The following NAALADL2 variants were observed in gnomAD, a reference collection of about 807,000 sequenced individuals.
The protein encoded by NAALADL2 is inactive N-acetylated-alpha-linked acidic dipeptidase-like protein 2.
Under a neutral mutation model 87.2 loss-of-function variants are expected in NAALADL2, and 76 were observed. The observed-to-expected ratio is 0.87, with a 90% CI of 0.72 to 1.05. The LOEUF (loss-of-function observed/expected upper bound fraction) is 1.05, where lower values mean the gene tolerates loss of function less well. NAALADL2 is among the 50% of genes least tolerant of loss of function. The pLI is 0.00. For missense variants in NAALADL2, 1,089 were observed against 945.8 expected (o/e 1.15, Z -1.99); for synonymous variants, 354 against 331.0 (o/e 1.07, Z -0.75).
intron 2 of NAALADL2, among the ~76,000 whole-genome samples, chr3:175,145,783 A>G (rs1730660760): frequency 6.6e-6 from 1 of 152,120 alleles, no homozygotes; most frequent in Non-Finnish European, 1.5e-5. Context: ...TGTTCCTTAT[A>G]ATAATTGAAC....
intron 1 of NAALADL2, among the ~76,000 whole-genome samples, chr3:175,096,048 G>A (rs1010381253): frequency 6.6e-6 from 1 of 152,030 alleles, no homozygotes; most frequent in African/African-American, 2.4e-5. Context: ...TCCTAGGCTG[G>A]CAAAAGGCTT....
chr3:175,440,920 C>A (rs1316973082), intron 5 of NAALADL2, among the ~76,000 whole-genome samples: 1 of 151,934 alleles, frequency 6.6e-6, no homozygotes, highest in East Asian at 1.9e-4. Flanking sequence ...TCCTCTATGT[C>A]CATTTCAAAT....
intron 3 of NAALADL2, among the ~76,000 whole-genome samples, chr3:174,785,356 G>T (rs531412012): frequency 1.3e-5 from 2 of 151,996 alleles, no homozygotes; most frequent in Non-Finnish European, 2.9e-5. Flanking sequence ...TTCATTCTGC[G>T]TATACCTAGT....
intron 2 of NAALADL2, among the ~76,000 whole-genome samples, chr3:174,669,702 G>A (rs1190825253): frequency 2.0e-5 from 3 of 151,958 alleles, no homozygotes; most frequent in Non-Finnish European, 2.9e-5. Context: ...TCTTTTTCAA[G>A]ATTGTTTCCG....
chr3:174,488,530 A>G (rs1470611765), intron 1 of NAALADL2, among the ~76,000 whole-genome samples: 1 of 152,114 alleles, frequency 6.6e-6, no homozygotes, highest in Non-Finnish European at 1.5e-5. Flanking sequence ...TCACAAATCC[A>G]TAAACTAGTC....
chr3:175,465,473 CTTTTTT>C (rs71164634), intron 7 of NAALADL2, among the ~76,000 whole-genome samples: 1 of 106,744 alleles, frequency 9.4e-6, no homozygotes, highest in African/African-American at 3.8e-5. Context: ...TGAATTAAAT[CTTTTTT>C]TTTTTTTTTT....
upstream of NAALADL2, among the ~76,000 whole-genome samples, chr3:174,854,447 G>A (rs895516175): frequency 1.3e-5 from 2 of 152,032 alleles, no homozygotes; most frequent in Non-Finnish European, 2.9e-5. Context: ...TTTGATAGAA[G>A]GAATAAGATC....
chr3:175,157,473 A>T (rs896555684), intron 2 of NAALADL2, among the ~76,000 whole-genome samples: 1 of 152,124 alleles, frequency 6.6e-6, no homozygotes, highest in African/African-American at 2.4e-5. Context: ...CACAATAAGC[A>T]TTAAGTAATA....
At chr3:175,447,824 G>A (rs995498040) in intron 6 of NAALADL2, among the ~76,000 whole-genome samples, 6 of 152,126 alleles carry the variant, frequency 3.9e-5, no homozygotes, top group Non-Finnish European at 7.3e-5. Flanking sequence ...ATCATCGCCC[G>A]AGAGATGCTT....
intron 1 of NAALADL2, among the ~76,000 whole-genome samples, chr3:175,014,901 GT>G (rs1750620062): frequency 6.6e-6 from 1 of 150,826 alleles, no homozygotes; most frequent in South Asian, 2.1e-4. Context: ...CTTCTCTTTC[GT>G]AAGGGGACTG....
Position 174,928,076 on chromosome 3 carries a change from G to A in NAALADL2, c.43+68626G>A, listed in dbSNP as rs1030071303. Among the ~76,000 whole-genome samples, 79 of 151,982 alleles carry A rather than the reference G, an allele frequency of 5.2e-4. 1 individual carries two copies. The highest frequency in any genetic ancestry group is 1.8e-3 in the African/African-American group (73 of 41,400). On this transcript the variant is annotated intron_variant, in intron 1 of 13. Coordinates refer to ENST00000454872, the MANE Select transcript of NAALADL2 (RefSeq NM_207015.3). ...AAAAGTGAATGTAAATGCAAATAAA[G>A]AGAAAAAAGTCAGGAAATACAAATT...
At chr3:175,480,550 A>G (rs1726309174) in intron 9 of NAALADL2, among the ~76,000 whole-genome samples, 1 of 152,048 alleles carries the variant, frequency 6.6e-6, no homozygotes, top group East Asian at 1.9e-4. Context: ...CCCTTTTTCA[A>G]GTAAAGTAAT....
chr3:175,536,293 G>A (rs1040114059), intron 9 of NAALADL2, among the ~76,000 whole-genome samples: 3 of 152,174 alleles, frequency 2.0e-5, no homozygotes, highest in Non-Finnish European at 4.4e-5. Flanking sequence ...AATTGAAAGG[G>A]CTGTTAAACA....
rs1412590044 is a variant in NAALADL2 at position 174,496,511 on chromosome 3, TA to T, written c.-183-54057del. On this transcript the variant is annotated intron_variant, in intron 1 of 3. Coordinates refer to the NAALADL2 transcript ENST00000434257. ...TATATGTATGTATATATTTATATAT[TA>T]TATATATATATATATATATGTAAGA... Among the ~76,000 whole-genome samples, 8 of 13,550 alleles carry T rather than the reference TA, an allele frequency of 5.9e-4. No individual in the cohort carries two copies. In the South Asian group the frequency reaches 0.027, roughly 46 times the overall value. 8.9% of individuals were successfully genotyped at this position (13,550 alleles called of 152,430 possible). A position where few individuals can be genotyped will look rare whatever the true frequency, so the allele number is the denominator to read the frequency against.
intron 1 of NAALADL2, among the ~76,000 whole-genome samples, chr3:175,056,070 G>A (rs762539878): frequency 1.4e-4 from 21 of 152,062 alleles, no homozygotes; most frequent in South Asian, 2.1e-4. Context: ...GAGAGTGGTC[G>A]CCAAAGGTGC....
chr3:175,157,634 C>T (rs1022117226), intron 2 of NAALADL2, among the ~76,000 whole-genome samples: 2 of 152,052 alleles, frequency 1.3e-5, no homozygotes, highest in African/African-American at 4.8e-5. Flanking sequence ...TAGGATCAGC[C>T]TGCTGTCACT....
chr3:174,881,350 T>G (rs1055027937), intron 1 of NAALADL2, among the ~76,000 whole-genome samples: 1 of 152,086 alleles, frequency 6.6e-6, no homozygotes, highest in Admixed American at 6.6e-5. Context: ...GTTTTAAAAT[T>G]TTTCAGGTTT....
At chr3:175,739,646 A>T (rs190300359) in intron 12 of NAALADL2, among the ~76,000 whole-genome samples, 1 of 152,210 alleles carries the variant, frequency 6.6e-6, no homozygotes, top group Non-Finnish European at 1.5e-5. Context: ...TTTTTCATTC[A>T]TTTAACAAAT....
At position 175,684,744 on chromosome 3, in the gene NAALADL2, A is replaced by G. The variant is rs539460312; in HGVS notation, c.1897-52562A>G. ...CTTGAGCCCGGGAGTTTAAGGCTGC[A>G]GTGAGCTATGACCGCACCACTGCAC... On this transcript the variant is annotated intron_variant, in intron 11 of 13. Transcript: ENST00000454872. Among the ~76,000 whole-genome samples the G allele has an allele frequency of 5.9e-5, 9 of 152,292 alleles. No individual in the cohort carries two copies. In the South Asian group the frequency reaches 6.2e-4, roughly 11 times the overall value.
Sources: gnomAD v4.1 joint callset for allele counts (sites outside exome capture counted in the v4.1 genomes callset) on GRCh38, gnomAD v4.1.1 for gene constraint, MANE v1.5 for transcripts, NCBI Gene and HGNC (gene_info 2026-07-23, HGNC 2026-07-21) for gene names.